Variants in CYRIB observed in about 807,000 individuals in gnomAD.
CYRIB encodes the protein CYFIP-related Rac1 interactor B.
CYRIB carries 8 observed loss-of-function variants against 44.2 expected under a neutral mutation model. The observed-to-expected ratio is 0.18, with a 90% CI of 0.11 to 0.33. The LOEUF is 0.33. Among genes scored for constraint, CYRIB ranks in the 10% least tolerant of loss-of-function variants. CYRIB has a pLI of 1.00. For missense variants in CYRIB, 185 were observed against 382.8 expected (o/e 0.48, Z 4.31); for synonymous variants, 131 against 127.2 (o/e 1.03, Z -0.20).
intron 1 of CYRIB, among the ~76,000 whole-genome samples, chr8:129,937,141 A>G (rs567108631): frequency 6.6e-6 from 1 of 152,320 alleles, no homozygotes; most frequent in East Asian, 1.9e-4. Context: ...CATTAACTCA[A>G]TTGTTCAAAA....
chr8:129,860,021 G>A (rs1343763997), intron 5 of CYRIB, among the ~76,000 whole-genome samples: 1 of 152,184 alleles, frequency 6.6e-6, no homozygotes, highest in East Asian at 1.9e-4. Flanking sequence ...CAAGGGATCA[G>A]GGTCCTTCTT....
intron 1 of CYRIB, among the ~76,000 whole-genome samples, chr8:129,913,684 G>T: frequency 2.0e-5 from 3 of 152,132 alleles, no homozygotes; most frequent in South Asian, 2.1e-4. Context: ...ATAAAGCACG[G>T]GCTCTGGAGC....
chr8:129,879,324 T>C (rs1485497463), intron 3 of CYRIB, 65 bp downstream of exon 5: 6 of 1,048,364 alleles, frequency 5.7e-6, no homozygotes, highest in Non-Finnish European at 1.5e-6. Flanking sequence ...GAAACATTCA[T>C]TTAGTGCAAG....
chr8:129,938,480 G>A (rs896100962), intron 1 of CYRIB, among the ~76,000 whole-genome samples: 2 of 152,174 alleles, frequency 1.3e-5, no homozygotes, highest in Non-Finnish European at 2.9e-5. Flanking sequence ...GTAAAAAGGT[G>A]GCAAACTCAA....
rs75471034 is a variant in CYRIB, at chr8:129,973,098, G to A, written c.-295-2103C>T. ...TGGAAATAATTCCATGAATTAAACCGTCCCAGCCACCCAGGAGCTCTCCAA... is the reference window on the plus strand; with the variant it reads ...TGGAAATAATTCCATGAATTAAACCATCCCAGCCACCCAGGAGCTCTCCAA... On this transcript the variant is annotated intron_variant, in intron 1 of 14. Transcript: ENST00000401979. 3.5e-4 allele frequency among the ~76,000 whole-genome samples: 54 copies of A among 152,210 alleles called. No homozygotes were observed. In the East Asian group the frequency reaches 7.9e-3, roughly 22 times the overall value.
chr8:129,895,085 G>C (rs1271628521), intron 2 of CYRIB, among the ~76,000 whole-genome samples: 48 of 121,178 alleles, frequency 4.0e-4, no homozygotes, highest in Non-Finnish European at 3.3e-4. Context: ...CTACATGCCC[G>C]TGTCATCATG....
At chr8:129,938,870 C>T (rs994866287) in intron 1 of CYRIB, among the ~76,000 whole-genome samples, 3 of 152,192 alleles carry the variant, frequency 2.0e-5, no homozygotes, top group African/African-American at 7.2e-5. Context: ...AACACATACA[C>T]ACACACACAC....
At chr8:129,893,644 C>T (rs570107739) in intron 2 of CYRIB, among the ~76,000 whole-genome samples, 4 of 152,130 alleles carry the variant, frequency 2.6e-5, no homozygotes, top group Non-Finnish European at 4.4e-5. Context: ...GACCTCCCAA[C>T]CTCTTTCAAT....
intron 2 of CYRIB, among the ~76,000 whole-genome samples, chr8:129,952,169 C>T (rs530175274): frequency 6.6e-6 from 1 of 152,314 alleles, no homozygotes; most frequent in Non-Finnish European, 1.5e-5. Flanking sequence ...CCTCAGCCTC[C>T]CTGGTAGCTG....
upstream of CYRIB, among the ~76,000 whole-genome samples, chr8:129,943,963 GA>G (rs1381904275): frequency 3.3e-5 from 5 of 149,700 alleles, no homozygotes; most frequent in Non-Finnish European, 7.4e-5. Context: ...GTCTTTAAGG[GA>G]AGGGGAAAGG....
chr8:129,864,936 G>A (rs566342187), intron 4 of CYRIB: 29 of 260,546 alleles, frequency 1.1e-4, no homozygotes, highest in African/African-American at 3.6e-4. Flanking sequence ...AGGGTGATGC[G>A]TGGGCTGACA....
At chr8:129,988,330 G>A (rs895127308) in intron 1 of CYRIB, among the ~76,000 whole-genome samples, 9 of 152,126 alleles carry the variant, frequency 5.9e-5, no homozygotes, top group African/African-American at 2.2e-4. Flanking sequence ...CTGGGACTGG[G>A]CCTGAGAAGG....
At chr8:129,947,351 T>C (rs963701165) in intron 2 of CYRIB, among the ~76,000 whole-genome samples, 1 of 152,178 alleles carries the variant, frequency 6.6e-6, no homozygotes. Context: ...TCAGCCACTG[T>C]GCCCAGTCTC....
intron 2 of CYRIB, among the ~76,000 whole-genome samples, chr8:129,881,817 A>T (rs1056814206): frequency 5.3e-5 from 8 of 152,332 alleles, no homozygotes; most frequent in African/African-American, 1.7e-4. Context: ...TAAGAGGGAA[A>T]TATTTAATAT....
chr8:129,970,469 G>T (rs1376424428), intron 2 of CYRIB: 1 of 151,240 alleles, frequency 6.6e-6, no homozygotes, highest in African/African-American at 2.4e-5. Flanking sequence ...ACTCAGGCTG[G>T]AGTGCAGCGG....
intron 2 of CYRIB, among the ~76,000 whole-genome samples, chr8:129,883,604 C>CCAAA (rs543386710): frequency 8.7e-4 from 133 of 152,160 alleles, no homozygotes; most frequent in African/African-American, 2.9e-3. Context: ...TGGCCAAAAA[C>CCAAA]CAAACAAACA....
intron 11 of CYRIB, 87 bp from the exon 14 acceptor site, chr8:129,842,292 T>C: frequency 1.1e-6 from 1 of 947,264 alleles, no homozygotes; most frequent in East Asian, 2.6e-5. Context: ...GATGGAGAAT[T>C]GGTCTCAGCA....
intron 1 of CYRIB, among the ~76,000 whole-genome samples, chr8:129,919,713 AATTTT>A (rs1486218743): frequency 6.6e-6 from 1 of 152,244 alleles, no homozygotes; most frequent in Non-Finnish European, 1.5e-5. Context: ...CAAATAACTT[AATTTT>A]AAGATTTATG....
chr8:129,890,027 G>A (rs2064495077), intron 2 of CYRIB, among the ~76,000 whole-genome samples: 1 of 152,008 alleles, frequency 6.6e-6, no homozygotes, highest in Non-Finnish European at 1.5e-5. Context: ...ACCCACCTCG[G>A]ACTCCCAAAG....
Sources: gnomAD v4.1 joint callset for allele counts (sites outside exome capture counted in the v4.1 genomes callset) on GRCh38, gnomAD v4.1.1 for gene constraint, MANE v1.5 for transcripts, NCBI Gene and HGNC (gene_info 2026-07-23, HGNC 2026-07-21) for gene names.